The following ANTXR2 variants were observed in gnomAD, a reference collection of about 807,000 sequenced individuals.
The protein encoded by ANTXR2 is anthrax toxin receptor 2.
Under a neutral mutation model 73.7 loss-of-function variants are expected in ANTXR2, and 44 were observed. The ratio of observed to expected loss-of-function variants is 0.60; its 90% confidence interval spans 0.47 to 0.77. The LOEUF (loss-of-function observed/expected upper bound fraction) is 0.77. Ranked by LOEUF, ANTXR2 falls within the 30% of genes least tolerant of loss-of-function variation. The pLI, the probability that ANTXR2 is intolerant of heterozygous loss-of-function variation, is 0.00. For synonymous variants in ANTXR2, 217 were observed against 205.9 expected (o/e 1.05, Z -0.46); for missense variants, 604 against 592.5 (o/e 1.02, Z -0.20).
intron 16 of ANTXR2, among the ~76,000 whole-genome samples, chr4:79,960,646 CT>C (rs1729107105): frequency 1.3e-5 from 2 of 151,690 alleles, no homozygotes; most frequent in South Asian, 2.1e-4. Flanking sequence ...TTCCTTCTCT[CT>C]TTTTTTATGT....
intron 16 of ANTXR2, among the ~76,000 whole-genome samples, chr4:79,914,041 A>G (rs1486395795): frequency 2.6e-5 from 4 of 152,162 alleles, no homozygotes; most frequent in African/African-American, 9.7e-5. Flanking sequence ...CTACATAAAC[A>G]ATATAGCATT....
chr4:79,977,723 G>C (rs899806818), intron 15 of ANTXR2, 22 bp from the exon 16 acceptor site: 1 of 1,552,502 alleles, frequency 6.4e-7, no homozygotes, highest in African/African-American at 1.4e-5. Context: ...TGAGATTTGT[G>C]AATTCCCAGA....
In ANTXR2 at chr4:79,906,455, C is replaced by A. The variant is rs185326079; in HGVS notation, c.*974G>T. 6.6e-6 allele frequency: 1 copy of A among 152,494 alleles called. No homozygotes were observed. The highest frequency in any genetic ancestry group is 1.5e-5 in the Non-Finnish European group (1 of 68,024). 9.4% of individuals were successfully genotyped at this position (152,494 alleles called of 1,614,324 possible). A position where few individuals can be genotyped will look rare whatever the true frequency, so the allele number is the denominator to read the frequency against. On this transcript the variant is annotated 3_prime_UTR_variant, in exon 17 of 17. Coordinates refer to ENST00000403729, the MANE Select transcript of ANTXR2 (RefSeq NM_058172.6). ...TGCAAAGAGAGTTGCTGGCTTGTGA[C>A]GCTGAAGAGCCCTTGGAGACTTGAA...
chr4:79,983,731 A>G (rs1371327218), intron 14 of ANTXR2, 147 bp downstream of exon 14: 4 of 695,172 alleles, frequency 5.8e-6, no homozygotes, highest in Non-Finnish European at 9.7e-6. Context: ...TTCCATAGAA[A>G]AAAAAATGTA....
intron 7 of ANTXR2, among the ~76,000 whole-genome samples, chr4:80,037,396 GAA>G (rs1289525034): frequency 6.6e-6 from 1 of 152,090 alleles, no homozygotes; most frequent in Non-Finnish European, 1.5e-5. Flanking sequence ...ATACATCTCT[GAA>G]AAGAGGGAAA....
intron 12 of ANTXR2, among the ~76,000 whole-genome samples, chr4:79,988,627 C>T (rs1730314211): frequency 6.6e-6 from 1 of 151,940 alleles, no homozygotes; most frequent in Non-Finnish European, 1.5e-5. Context: ...TGAGACCTAA[C>T]CTCAGCACTT....
chr4:79,912,875 TA>T (rs1351420328), intron 16 of ANTXR2, among the ~76,000 whole-genome samples: 1 of 152,114 alleles, frequency 6.6e-6, no homozygotes, highest in Non-Finnish European at 1.5e-5. Flanking sequence ...AAATGGTAAC[TA>T]AAAATATGAT....
At chr4:80,020,931 G>C (rs1377526967) in intron 10 of ANTXR2, among the ~76,000 whole-genome samples, 1 of 152,044 alleles carries the variant, frequency 6.6e-6, no homozygotes, top group African/African-American at 2.4e-5. Context: ...GGTAGATCAC[G>C]AGGTCAGGAG....
chr4:79,979,892 T>C (rs977028712), intron 14 of ANTXR2, among the ~76,000 whole-genome samples: 2 of 152,194 alleles, frequency 1.3e-5, no homozygotes, highest in African/African-American at 4.8e-5. Flanking sequence ...ACAAATGTCT[T>C]AACTTAGAGA....
At chr4:80,035,205 G>A (rs1427597596) in intron 8 of ANTXR2, among the ~76,000 whole-genome samples, 1 of 151,998 alleles carries the variant, frequency 6.6e-6, no homozygotes, top group East Asian at 1.9e-4. Context: ...AACCTTCACT[G>A]TTAGGGAAGA....
chr4:80,048,072 T>C (rs940329110), intron 7 of ANTXR2, among the ~76,000 whole-genome samples: 9 of 151,610 alleles, frequency 5.9e-5, no homozygotes, highest in Admixed American at 2.0e-4. Flanking sequence ...AGAACTTGCA[T>C]AGATTTTTAT....
chr4:80,031,852 A>C (rs1732713013), intron 9 of ANTXR2, among the ~76,000 whole-genome samples, 160 bp from the exon 10 acceptor site: 1 of 151,768 alleles, frequency 6.6e-6, no homozygotes, highest in Admixed American at 6.6e-5. Flanking sequence ...GGAATGAAAA[A>C]TGGAAAGAGA....
At chr4:79,962,992 G>A (rs1451754617) in intron 16 of ANTXR2, among the ~76,000 whole-genome samples, 2 of 152,106 alleles carry the variant, frequency 1.3e-5, no homozygotes, top group African/African-American at 4.8e-5. Context: ...TGCACTGAAA[G>A]ACCCACTAGT....
chr4:80,010,778 T>C (rs1731533060), intron 11 of ANTXR2, among the ~76,000 whole-genome samples: 1 of 152,162 alleles, frequency 6.6e-6, no homozygotes. Flanking sequence ...GACAAAATAT[T>C]ATGCATCTCC....
Position 80,035,782 on chromosome 4 carries a change from C to T in ANTXR2, c.697+190G>A, listed in dbSNP as rs565096771. Among the ~76,000 whole-genome samples the T allele has an allele frequency of 7.9e-5, 12 of 152,162 alleles. No homozygotes were observed. The South Asian group carries it at 1.0e-3, about 13-fold the overall frequency. ...ACAATATGCTCATTATTTAAAATAACATTCCAATCTTAAAAATTTGAATTT... is the reference window on the plus strand; with the variant it reads ...ACAATATGCTCATTATTTAAAATAATATTCCAATCTTAAAAATTTGAATTT... On this transcript the variant is annotated intron_variant, in intron 8 of 16. Coordinates refer to ENST00000403729, the MANE Select transcript of ANTXR2 (RefSeq NM_058172.6).
intron 16 of ANTXR2, among the ~76,000 whole-genome samples, chr4:79,920,341 A>C (rs944453333): frequency 1.3e-5 from 2 of 152,148 alleles, no homozygotes; most frequent in African/African-American, 4.8e-5. Flanking sequence ...ACAGCAATCA[A>C]TATGATGGAT....
At chr4:80,012,424 G>C (rs1459878447) in intron 11 of ANTXR2, among the ~76,000 whole-genome samples, 1 of 151,790 alleles carries the variant, frequency 6.6e-6, no homozygotes, top group Non-Finnish European at 1.5e-5. Context: ...AGTGTACATA[G>C]TTTTACTGAA....
chr4:80,008,341 T>A (rs1218956452), intron 12 of ANTXR2, among the ~76,000 whole-genome samples, 180 bp downstream of exon 12: 1 of 152,224 alleles, frequency 6.6e-6, no homozygotes, highest in Admixed American at 6.5e-5. Context: ...ATGAATTTTT[T>A]AAATAAATAT....
At position 79,965,315 on chromosome 4, in the gene ANTXR2, A is replaced by G. The variant is rs932480641; in HGVS notation, c.1428+12306T>C. Among the ~76,000 whole-genome samples, 4 of 152,346 alleles carry G rather than the reference A, an allele frequency of 2.6e-5. No individual in the cohort carries two copies. The South Asian group carries it at 6.2e-4, about 24-fold the overall frequency. On this transcript the variant is annotated intron_variant, in intron 16 of 16. Coordinates refer to ENST00000403729, the MANE Select transcript of ANTXR2 (RefSeq NM_058172.6). ...TGACTAGGCAGAGGTCGTGTTATTT[A>G]GAACCATTAGCCACAACCTGAAAAC...
Sources: allele counts gnomAD v4.1 joint callset (sites outside exome capture counted in the v4.1 genomes callset), GRCh38; gene constraint gnomAD v4.1.1; transcripts MANE v1.5; gene names NCBI Gene and HGNC (gene_info 2026-07-23, HGNC 2026-07-21).